The following TEX11 variants were observed in gnomAD, a reference collection of about 807,000 sequenced individuals.
TEX11 encodes testis expressed 11.
A neutral mutation model predicts 84.4 loss-of-function variants in TEX11; 7 were observed. That is an observed-to-expected ratio of 0.08 (90% CI 0.05 to 0.16). TEX11 has a LOEUF of 0.16. Among genes scored for constraint, TEX11 ranks in the 10% least tolerant of loss-of-function variants. The probability of loss-of-function intolerance (pLI) is 1.00; values close to 1 mark genes in which losing one functional copy is unlikely to be tolerated. For synonymous variants in TEX11, 264 were observed against 222.8 expected, an observed-to-expected ratio of 1.18 and a Z score of -1.64; for missense variants, 551 against 660.5, an observed-to-expected ratio of 0.83 and a Z score of 1.82.
At chrX:70,709,634 T>A (rs1034203606) in intron 13 of TEX11, among the ~76,000 whole-genome samples, 2 of 111,632 alleles carry the variant, frequency 1.8e-5, no homozygotes, top group Non-Finnish European at 3.8e-5. Flanking sequence ...TCAAATTTTC[T>A]CTGAACAGAA....
chrX:70,616,256 T>C (rs1667608367), intron 20 of TEX11, among the ~76,000 whole-genome samples: 1 of 111,499 alleles, frequency 9.0e-6, no homozygotes, highest in South Asian at 3.7e-4. Flanking sequence ...GTATAAGATA[T>C]AAATAGAAAC....
At chrX:70,765,152 G>A (rs755484944) in intron 9 of TEX11, among the ~76,000 whole-genome samples, 88 of 111,777 alleles carry the variant, frequency 7.9e-4, no homozygotes, top group Middle Eastern at 4.6e-3. Context: ...TTGGGAGGCC[G>A]AGGCAGGCGA....
rs922336828 is a variant in TEX11 at position 70,629,552 on chromosome X, A to G, written c.1608+59T>C. 650 of 1,132,701 alleles carry G rather than the reference A, an allele frequency of 5.7e-4. 1 individual carries two copies. Among genetic ancestry groups the G allele is most frequent in the Non-Finnish European group, 6.8e-4 (563 of 828,775 alleles). The allele number at this position is 1,132,701 out of a possible 1,213,427, so 93.3% of individuals were successfully genotyped here. ...GTGTCTAACTGATAATGATTCTATT[A>G]ATTGTCTTTCAAAAAGGAAAAGGGA... On this transcript the variant is annotated intron_variant, in intron 18 of 29. Transcript: ENST00000374333.
chrX:70,791,178 T>C (rs2091115997), intron 9 of TEX11, among the ~76,000 whole-genome samples: 2 of 110,765 alleles, frequency 1.8e-5, no homozygotes, highest in Non-Finnish European at 3.8e-5. Flanking sequence ...TGGAGAAAGA[T>C]CTATCATAAA....
chrX:70,594,541 A>G (rs1021908164), intron 24 of TEX11, among the ~76,000 whole-genome samples: 9 of 111,450 alleles, frequency 8.1e-5, no homozygotes, highest in Non-Finnish European at 1.5e-4. Context: ...GGCCTCTGAT[A>G]TATAGAAATG....
intron 9 of TEX11, among the ~76,000 whole-genome samples, chrX:70,746,979 CAAGGGGCTTA>C (rs1416607403): frequency 8.9e-6 from 1 of 111,974 alleles, no homozygotes; most frequent in African/African-American, 3.2e-5. Context: ...CTCATTGGCT[CAAGGGGCTTA>C]AGCAGATCGT....
intron 9 of TEX11, among the ~76,000 whole-genome samples, chrX:70,750,962 AT>A: frequency 1.2e-5 from 1 of 85,679 alleles, no homozygotes; most frequent in African/African-American, 3.9e-5. Flanking sequence ...ATATATATAT[AT>A]ATAAAAGTCA....
intron 3 of TEX11, among the ~76,000 whole-genome samples, chrX:70,877,974 T>G (rs1404553112): frequency 9.0e-6 from 1 of 111,042 alleles, no homozygotes; most frequent in Non-Finnish European, 1.9e-5. Context: ...AGCTGCACAA[T>G]GTGAACATAC....
chrX:70,693,854 G>A (rs900083049), intron 13 of TEX11, among the ~76,000 whole-genome samples: 1 of 111,523 alleles, frequency 9.0e-6, no homozygotes, highest in Non-Finnish European at 1.9e-5. Context: ...CACAATGTAT[G>A]CATATATCAA....
chrX:70,655,549 T>C (rs772599755), intron 16 of TEX11, among the ~76,000 whole-genome samples: 25 of 111,905 alleles, frequency 2.2e-4, no homozygotes, highest in Admixed American at 3.8e-4. Flanking sequence ...TATAACTCCA[T>C]CGTAAGTCAA....
At chrX:70,810,266 T>A (rs908116734) in intron 8 of TEX11, among the ~76,000 whole-genome samples, 2 of 111,794 alleles carry the variant, frequency 1.8e-5, no homozygotes, top group Non-Finnish European at 3.8e-5. Context: ...CCAGAAATAC[T>A]ATTTGACCCA....
At chrX:70,892,594 G>A (rs964736823) in intron 2 of TEX11, among the ~76,000 whole-genome samples, 1 of 110,435 alleles carries the variant, frequency 9.1e-6, no homozygotes, top group African/African-American at 3.3e-5. Flanking sequence ...ATTGCTGGGC[G>A]TGGTGGCACA....
chrX:70,746,561 G>A (rs1471577080), intron 9 of TEX11, among the ~76,000 whole-genome samples: 7 of 112,042 alleles, frequency 6.2e-5, no homozygotes, highest in Non-Finnish European at 1.1e-4. Flanking sequence ...AGCTCTAGTC[G>A]TGTGGCACAG....
intron 17 of TEX11, among the ~76,000 whole-genome samples, chrX:70,633,492 C>T (rs1221821538): frequency 8.9e-6 from 1 of 111,971 alleles, no homozygotes. Flanking sequence ...AGGATGTCCA[C>T]TCTCATCAGT....
intron 9 of TEX11, among the ~76,000 whole-genome samples, chrX:70,763,083 G>A (rs746040247): frequency 1.8e-5 from 2 of 111,777 alleles, no homozygotes; most frequent in South Asian, 7.4e-4. Flanking sequence ...ACTACCATTC[G>A]ATCCAGCAAT....
intron 24 of TEX11, among the ~76,000 whole-genome samples, chrX:70,602,327 G>T (rs1284409722): frequency 2.7e-5 from 3 of 109,398 alleles, no homozygotes; most frequent in Non-Finnish European, 5.7e-5. Context: ...ACCAAATCCA[G>T]CAGCACATCA....
At chrX:70,542,084 C>T (rs891546258) in intron 28 of TEX11, among the ~76,000 whole-genome samples, 4 of 111,213 alleles carry the variant, frequency 3.6e-5, no homozygotes, top group East Asian at 2.8e-4. Flanking sequence ...TGATGTGCAA[C>T]GGACTGAATG....
intron 26 of TEX11, among the ~76,000 whole-genome samples, chrX:70,553,658 A>C (rs111380155): frequency 5.4e-5 from 6 of 111,721 alleles, no homozygotes; most frequent in Non-Finnish European, 9.4e-5. Flanking sequence ...TCAACAGAAA[A>C]CCTACTGTTT....
intron 24 of TEX11, among the ~76,000 whole-genome samples, chrX:70,602,088 G>T (rs2089125427): frequency 9.0e-6 from 1 of 111,319 alleles, no homozygotes; most frequent in South Asian, 3.8e-4. Context: ...GGGCAGAGGG[G>T]CTCCTCACTT....
Sources: gnomAD v4.1 joint callset for allele counts (sites outside exome capture counted in the v4.1 genomes callset) on GRCh38, gnomAD v4.1.1 for gene constraint, MANE v1.5 for transcripts, NCBI Gene and HGNC (gene_info 2026-07-23, HGNC 2026-07-21) for gene names.